Variants in MRPS17 observed in about 807,000 individuals in gnomAD.
The protein encoded by MRPS17 is mitochondrial ribosomal protein S17.
Under a neutral mutation model 11.3 loss-of-function variants are expected in MRPS17, and 6 were observed. That is an observed-to-expected ratio of 0.53 (90% CI 0.29 to 1.05). The LOEUF (loss-of-function observed/expected upper bound fraction) is 1.05. Among genes scored for constraint, MRPS17 ranks in the 50% least tolerant of loss-of-function variants. The probability of loss-of-function intolerance (pLI) is 0.08; values close to 1 mark genes in which losing one functional copy is unlikely to be tolerated. For synonymous variants in MRPS17, 56 were observed against 60.4 expected, an observed-to-expected ratio of 0.93 and a Z score of 0.34; for missense variants, 139 against 153.6, an observed-to-expected ratio of 0.90 and a Z score of 0.50.
intron 2 of MRPS17, among the ~76,000 whole-genome samples, chr7:55,953,550 G>A (rs1786680278): frequency 6.6e-6 from 1 of 152,180 alleles, no homozygotes; most frequent in Admixed American, 6.6e-5. Context: ...GGCCGGATGA[G>A]GTGGCTCACA....
chr7:55,956,127 C>CT lies in MRPS17; in HGVS notation c.*961dup, dbSNP rs113834108. ...AACCTTTATTTTGAAGGAAGAAAGT[C>CT]TTTTTTTTTTTTGAGCTGGAGTTTC... On this transcript the variant is annotated 3_prime_UTR_variant, in exon 3 of 3. Coordinates refer to ENST00000285298, the MANE Select transcript of MRPS17 (RefSeq NM_015969.3). 0.046 allele frequency: 6,678 copies of CT among 144,898 alleles called. 171 individuals are homozygous for CT. The highest frequency in any genetic ancestry group is 0.067 in the Admixed American group (959 of 14,400). The allele number at this position is 144,898 out of a possible 1,614,324, so 9.0% of individuals were successfully genotyped here. A position where few individuals can be genotyped will look rare whatever the true frequency, so the allele number is the denominator to read the frequency against.
rs897258889 is a variant in MRPS17, at chr7:55,953,204, A to G, written c.9A>G (p.Val3=). Residue 3 remains valine (V), a synonymous_variant, in exon 2 of 3, where the codon GTA becomes GTG. Coordinates refer to ENST00000285298, the MANE Select transcript of MRPS17 (RefSeq NM_015969.3). ...GTGACCAAAGCCACGTAATGTCCGTAGTTCGCTCATCCGTCCATGCCAGAT... is the reference window on the plus strand; with the variant it reads ...GTGACCAAAGCCACGTAATGTCCGTGGTTCGCTCATCCGTCCATGCCAGAT... The part of the protein sequence containing the change: MS[V]VRSSVHARWI... 3.1e-6 allele frequency: 5 copies of G among 1,614,184 alleles called. No homozygotes were observed. The highest frequency in any genetic ancestry group is 4.2e-6 in the Non-Finnish European group (5 of 1,180,024).
chr7:55,952,481 C>T (rs1025640839), intron 1 of MRPS17, among the ~76,000 whole-genome samples: 4 of 152,120 alleles, frequency 2.6e-5, no homozygotes, highest in Admixed American at 2.6e-4. Context: ...GCCTCTTAAT[C>T]CCAGCACTTT....
At chr7:55,953,373 G>A in intron 2 of MRPS17, 55 bp downstream of exon 2, 1 of 1,592,210 alleles carries the variant, frequency 6.3e-7, no homozygotes, top group Non-Finnish European at 8.5e-7. Context: ...CATGTCCTGG[G>A]TCCTAAGCAA....
chr7:55,954,858 A>G, intron 2 of MRPS17, 51 bp from the exon 3 acceptor site: 1 of 1,580,002 alleles, frequency 6.3e-7, no homozygotes, highest in Non-Finnish European at 8.6e-7. Context: ...ATATTACATT[A>G]CCAGGTCACA....
rs1786712898 is a variant in MRPS17, at chr7:55,955,400, T to G, written c.*222T>G. 3.6e-6 allele frequency: 2 copies of G among 562,560 alleles called. No individual in the cohort carries two copies. Among genetic ancestry groups the G allele is most frequent in the Non-Finnish European group, 6.2e-6 (2 of 320,372 alleles). 34.8% of individuals were successfully genotyped at this position (562,560 alleles called of 1,614,324 possible). On this transcript the variant is annotated 3_prime_UTR_variant, in exon 3 of 3. Coordinates refer to ENST00000285298, the MANE Select transcript of MRPS17 (RefSeq NM_015969.3). The stretch of plus-strand genomic sequence containing the variant: ...CAGTGAACATACTTCCACGTTACAT[T>G]AAGTGTGCCTAGCAGTCTGTTGCAT...
chr7:55,954,419 G>A (rs1019790226), intron 2 of MRPS17, among the ~76,000 whole-genome samples: 2 of 152,066 alleles, frequency 1.3e-5, no homozygotes, highest in East Asian at 1.9e-4. Flanking sequence ...GCTGCAACAG[G>A]GTTGTTATAA....
chr7:55,953,619 C>T (rs540388063), intron 2 of MRPS17, among the ~76,000 whole-genome samples: 1 of 152,242 alleles, frequency 6.6e-6, no homozygotes, highest in Non-Finnish European at 1.5e-5. Flanking sequence ...ATCAGGAGTT[C>T]GAGACCAGTC....
chr7:55,952,907 C>CT (rs1786665464), intron 1 of MRPS17, among the ~76,000 whole-genome samples: 1 of 151,702 alleles, frequency 6.6e-6, no homozygotes, highest in Non-Finnish European at 1.5e-5. Context: ...TGGCGGGCGC[C>CT]TGTAGTCCCA....
At position 55,954,940 on chromosome 7, in the gene MRPS17, A is replaced by G. The variant is rs1786704450; in HGVS notation, c.155A>G (p.His52Arg). The change falls in exon 3 of 3, where the codon CAC becomes CGC. Residue 52 changes from histidine (H) to arginine (R), a missense_variant. Coordinates refer to ENST00000285298, the MANE Select transcript of MRPS17 (RefSeq NM_015969.3). ...AATAAGCGGAAAACCTACTTTGCTC[A>G]CGATGCCCTTCAGCAGTGCACAGTT... ...YFNKRKTYFA[H>R]DALQQCTVGD... 1 of 1,614,002 alleles carries G rather than the reference A, an allele frequency of 6.2e-7. No homozygotes were observed. The highest frequency in any genetic ancestry group is 8.5e-7 in the Non-Finnish European group (1 of 1,179,986).
intron 2 of MRPS17, among the ~76,000 whole-genome samples, chr7:55,954,470 G>A (rs1212603202): frequency 6.6e-6 from 1 of 152,216 alleles, no homozygotes; most frequent in Non-Finnish European, 1.5e-5. Flanking sequence ...GCTCATGCCT[G>A]TAATCCCAGC....
chr7:55,953,216 C>G lies in MRPS17; in HGVS notation c.21C>G (p.Ser7=). The change falls in exon 2 of 3, where the codon TCC becomes TCG. Residue 7 remains serine, a synonymous_variant. Transcript: ENST00000285298. The stretch of plus-strand genomic sequence containing the variant: ...ACGTAATGTCCGTAGTTCGCTCATC[C>G]GTCCATGCCAGATGGATTGTGGGGA... MSVVRS[S]VHARWIVGKV... is the part of the protein sequence containing the mutation. 1 of 1,614,062 alleles carries G rather than the reference C, an allele frequency of 6.2e-7. No individual in the cohort carries two copies. Among genetic ancestry groups the G allele is most frequent in the Non-Finnish European group, 8.5e-7 (1 of 1,180,000 alleles).
At position 55,955,207 on chromosome 7, in the gene MRPS17, A is replaced by T; in HGVS notation, c.*29A>T. 6.3e-7 allele frequency: 1 copy of T among 1,593,976 alleles called. No individual in the cohort carries two copies. Among genetic ancestry groups the T allele is most frequent in the Non-Finnish European group, 8.6e-7 (1 of 1,169,210 alleles). On this transcript the variant is annotated 3_prime_UTR_variant, in exon 3 of 3. Coordinates refer to ENST00000285298, the MANE Select transcript of MRPS17 (RefSeq NM_015969.3). ...GGGAGTGGAAGAAGGATCTAAAGGG[A>T]AAAACTGACATGTTTATGTTATGGA...
chr7:55,953,894 C>T (rs1301921495), intron 2 of MRPS17, among the ~76,000 whole-genome samples: 3 of 152,150 alleles, frequency 2.0e-5, no homozygotes, highest in Admixed American at 6.6e-5. Context: ...GGAGGTGGAG[C>T]GCAGGCGGTA....
intron 1 of MRPS17, 149 bp from the exon 2 acceptor site, chr7:55,953,030 T>TAA (rs200206566): frequency 3.3e-4 from 299 of 898,108 alleles, no homozygotes; most frequent in South Asian, 1.9e-3. Context: ...AGACTACATC[T>TAA]AAAAAAAAAC....
intron 2 of MRPS17, among the ~76,000 whole-genome samples, chr7:55,954,344 T>A (rs951651905): frequency 1.3e-5 from 2 of 152,164 alleles, no homozygotes. Flanking sequence ...TTAGTTTGAA[T>A]ACTGACTCTT....
In MRPS17 at chr7:55,951,917, T is replaced by A. The variant is rs1786640160; in HGVS notation, c.-31T>A. The A allele has an allele frequency of 6.6e-6, 1 of 152,518 alleles. No homozygotes were observed. The highest frequency in any genetic ancestry group is 2.1e-4 in the South Asian group (1 of 4,844). 9.4% of individuals were successfully genotyped at this position (152,518 alleles called of 1,614,324 possible). On this transcript the variant is annotated 5_prime_UTR_variant, in exon 1 of 3. Coordinates refer to ENST00000285298, the MANE Select transcript of MRPS17 (RefSeq NM_015969.3). ...GCGCTCCCCGGGGCAGGTGGCTGCA[T>A]AGTCTTGGCGGAGGTGAGTCTCGTG...
intron 2 of MRPS17, among the ~76,000 whole-genome samples, chr7:55,954,427 T>G (rs964469595): frequency 6.6e-6 from 1 of 152,162 alleles, no homozygotes; most frequent in Non-Finnish European, 1.5e-5. Context: ...AGGGTTGTTA[T>G]AAAGAATAGG....
chr7:55,954,790 G>C, intron 2 of MRPS17, 119 bp from the exon 3 acceptor site: 1 of 1,245,918 alleles, frequency 8.0e-7, no homozygotes, highest in Non-Finnish European at 1.1e-6. Context: ...AGCCTCCTTA[G>C]TATCTTATCT....
Sources: allele counts gnomAD v4.1 joint callset (sites outside exome capture counted in the v4.1 genomes callset), GRCh38; gene constraint gnomAD v4.1.1; transcripts MANE v1.5; gene names NCBI Gene and HGNC (gene_info 2026-07-23, HGNC 2026-07-21).